The following ARMC2 variants were observed in gnomAD, a reference collection of about 807,000 sequenced individuals.
ARMC2 encodes the protein armadillo repeat-containing protein 2.
A neutral mutation model predicts 90.3 loss-of-function variants in ARMC2; 67 were observed. That is an observed-to-expected ratio of 0.74 (90% CI 0.61 to 0.91). The LOEUF (loss-of-function observed/expected upper bound fraction) is 0.91. ARMC2 is among the 40% of genes least tolerant of loss of function. The probability of loss-of-function intolerance (pLI) is 0.00; values close to 1 mark genes in which losing one functional copy is unlikely to be tolerated. For synonymous variants in ARMC2, 393 were observed against 393.0 expected (o/e 1.00, Z 0.00); for missense variants, 920 against 1,030.9 (o/e 0.89, Z 1.47).
chr6:109,052,962 T>A, the ARMC2 span, among the ~76,000 whole-genome samples: 1 of 152,134 alleles, frequency 6.6e-6, no homozygotes, highest in African/African-American at 2.4e-5. Context: ...ATCAATAAAG[T>A]AATTGAAAGT....
intron 5 of ARMC2, among the ~76,000 whole-genome samples, chr6:108,878,371 T>C (rs1475905177): frequency 6.6e-6 from 1 of 152,048 alleles, no homozygotes; most frequent in Non-Finnish European, 1.5e-5. Context: ...AGTGTGTAAG[T>C]AGACCGTGGA....
At chr6:109,011,156 G>C in the ARMC2 span, among the ~76,000 whole-genome samples, 2 of 152,144 alleles carry the variant, frequency 1.3e-5, no homozygotes, top group African/African-American at 4.8e-5. Flanking sequence ...TCTAATGAGA[G>C]GCAAGGGAAA....
At chr6:108,911,054 T>A in intron 9 of ARMC2, 53 bp downstream of exon 9, 1 of 1,130,336 alleles carries the variant, frequency 8.8e-7, no homozygotes, top group Non-Finnish European at 1.3e-6. Flanking sequence ...GAGTAAAAAT[T>A]AGAAGTCTGG....
intron 10 of ARMC2, among the ~76,000 whole-genome samples, chr6:108,914,288 T>G (rs777218113): frequency 2.6e-5 from 4 of 152,150 alleles, no homozygotes; most frequent in Non-Finnish European, 5.9e-5. Flanking sequence ...TGTGCACATA[T>G]AGTATATTAC....
At chr6:108,995,824 T>C in the ARMC2 span, among the ~76,000 whole-genome samples, 3 of 151,122 alleles carry the variant, frequency 2.0e-5, no homozygotes, top group Non-Finnish European at 1.5e-5. Context: ...TCTCAATGTA[T>C]ACATACAAAA....
the ARMC2 span, among the ~76,000 whole-genome samples, chr6:109,047,500 G>A: frequency 1.6e-5 from 2 of 126,164 alleles, no homozygotes; most frequent in African/African-American, 2.9e-5. Context: ...CCGGCCAGCC[G>A]CCCCGTCCGG....
chr6:109,005,728 T>G, the ARMC2 span, among the ~76,000 whole-genome samples: 1 of 152,100 alleles, frequency 6.6e-6, no homozygotes, highest in African/African-American at 2.4e-5. Flanking sequence ...GCCTCCAAAT[T>G]GAAGAGTCCT....
At chr6:108,894,635 T>G (rs1771412951) in intron 6 of ARMC2, 92 bp downstream of exon 6, 5 of 1,139,228 alleles carry the variant, frequency 4.4e-6, no homozygotes, top group African/African-American at 1.6e-5. Context: ...ACTGGAAACT[T>G]AAGGAAGTTT....
At chr6:109,015,440 T>TG in the ARMC2 span, among the ~76,000 whole-genome samples, 1 of 152,234 alleles carries the variant, frequency 6.6e-6, no homozygotes, top group Non-Finnish European at 1.5e-5. Flanking sequence ...AAGATACCAT[T>TG]GTTTGACAAG....
chr6:108,944,700 G>C (rs1002179686), intron 12 of ARMC2, among the ~76,000 whole-genome samples: 1 of 152,192 alleles, frequency 6.6e-6, no homozygotes, highest in Non-Finnish European at 1.5e-5. Context: ...TAAATTGAGA[G>C]TGATGAGTTC....
intron 17 of ARMC2, among the ~76,000 whole-genome samples, chr6:108,971,934 A>G (rs927801697): frequency 1.4e-4 from 21 of 152,066 alleles, no homozygotes; most frequent in Admixed American, 2.0e-4. Flanking sequence ...AAAAAAAAAA[A>G]AAAAGTGTTG....
chr6:108,988,403 T>C, the ARMC2 span: 12 of 640,696 alleles, frequency 1.9e-5, no homozygotes, highest in African/African-American at 2.2e-4. Flanking sequence ...TCTGAAGGGG[T>C]ACCTGAGACA....
chr6:108,937,034 C>G, intron 12 of ARMC2, 35 bp downstream of exon 12: 2 of 1,473,926 alleles, frequency 1.4e-6, no homozygotes, highest in Non-Finnish European at 1.9e-6. Context: ...TTCAATGAGT[C>G]TTTACACTAA....
the ARMC2 span, among the ~76,000 whole-genome samples, chr6:108,993,656 G>A: frequency 6.6e-6 from 1 of 152,076 alleles, no homozygotes; most frequent in African/African-American, 2.4e-5. Context: ...ATTATCTCCT[G>A]TAGCCTGCAT....
At chr6:108,982,812 CTT>C in the ARMC2 span, among the ~76,000 whole-genome samples, 10 of 127,230 alleles carry the variant, frequency 7.9e-5, no homozygotes, top group Admixed American at 1.6e-4. Flanking sequence ...TTGGACTTTT[CTT>C]TTTTTTTTTT....
At chr6:109,000,615 T>A in the ARMC2 span, 6 of 1,611,766 alleles carry the variant, frequency 3.7e-6, no homozygotes, top group Admixed American at 3.3e-5. Context: ...CCCACCAACA[T>A]GAAGGAAATC....
intron 5 of ARMC2, among the ~76,000 whole-genome samples, chr6:108,890,809 G>C (rs1307473265): frequency 4.6e-5 from 7 of 152,102 alleles, no homozygotes; most frequent in Non-Finnish European, 2.9e-5. Flanking sequence ...TGTGCAGAAA[G>C]TGCAGTTTCA....
At chr6:108,906,906 A>G (rs910886766) in intron 8 of ARMC2, among the ~76,000 whole-genome samples, 11 of 152,236 alleles carry the variant, frequency 7.2e-5, no homozygotes, top group African/African-American at 2.7e-4. Context: ...AATGAGAACT[A>G]AGGGAGAAAA....
the ARMC2 span, among the ~76,000 whole-genome samples, chr6:109,006,361 C>G: frequency 3.3e-5 from 5 of 152,042 alleles, no homozygotes; most frequent in Non-Finnish European, 5.9e-5. Context: ...AGGTTTGTTA[C>G]ATATGTATGC....
Sources: gnomAD v4.1 joint callset for allele counts (sites outside exome capture counted in the v4.1 genomes callset) on GRCh38, gnomAD v4.1.1 for gene constraint, MANE v1.5 for transcripts, NCBI Gene and HGNC (gene_info 2026-07-23, HGNC 2026-07-21) for gene names.